Variants in GMDS observed in about 807,000 individuals in gnomAD.
GMDS encodes GDP-mannose 4,6 dehydratase.
Under a neutral mutation model 49.9 loss-of-function variants are expected in GMDS, and 20 were observed. The ratio of observed to expected loss-of-function variants is 0.40; its 90% CI spans 0.28 to 0.58. The LOEUF (loss-of-function observed/expected upper bound fraction) is 0.58, where lower values mean the gene tolerates loss of function less well. Among genes scored for constraint, GMDS ranks in the 20% least tolerant of loss-of-function variants. GMDS has a pLI of 0.42. For synonymous variants in GMDS, 177 were observed against 178.6 expected (o/e 0.99, Z 0.07); for missense variants, 362 against 481.4 (o/e 0.75, Z 2.32).
chr6:2,234,325 G>T (rs1581839003), intron 1 of GMDS, among the ~76,000 whole-genome samples: 2 of 152,228 alleles, frequency 1.3e-5, no homozygotes, highest in South Asian at 4.2e-4. Flanking sequence ...ATATTTCAAT[G>T]ATAACATCAA....
chr6:1,780,915 C>T (rs1350720594), intron 7 of GMDS, among the ~76,000 whole-genome samples: 1 of 152,116 alleles, frequency 6.6e-6, no homozygotes, highest in Non-Finnish European at 1.5e-5. Flanking sequence ...AAACTAGAAC[C>T]AGATTTCCCT....
chr6:1,863,705 G>A (rs528450289), intron 7 of GMDS, among the ~76,000 whole-genome samples: 4 of 152,072 alleles, frequency 2.6e-5, no homozygotes, highest in African/African-American at 4.8e-5. Flanking sequence ...AGATCACACC[G>A]GAACATCATA....
chr6:2,011,484 G>A (rs1215295117), intron 4 of GMDS, among the ~76,000 whole-genome samples: 1 of 152,118 alleles, frequency 6.6e-6, no homozygotes, highest in African/African-American at 2.4e-5. Flanking sequence ...ATATAAAAAA[G>A]ATACCTCCAA....
chr6:2,241,531 G>A (rs1781613196), intron 1 of GMDS, among the ~76,000 whole-genome samples: 1 of 152,132 alleles, frequency 6.6e-6, no homozygotes, highest in Admixed American at 6.5e-5. Context: ...GAACTAATAG[G>A]AGGTGTTTTG....
chr6:2,008,389 T>G (rs934844026), intron 4 of GMDS, among the ~76,000 whole-genome samples: 1 of 152,212 alleles, frequency 6.6e-6, no homozygotes, highest in Non-Finnish European at 1.5e-5. Flanking sequence ...TATGATGCGT[T>G]TTTCTTCACT....
intron 7 of GMDS, among the ~76,000 whole-genome samples, chr6:1,826,040 G>T (rs1329002550): frequency 6.6e-6 from 1 of 151,968 alleles, no homozygotes. Context: ...ATAGAAAATG[G>T]TACACATGTA....
At position 1,766,331 on chromosome 6, in the gene GMDS, C is replaced by T. The variant is rs781458278; in HGVS notation, c.772-23745G>A. On this transcript the variant is annotated intron_variant, in intron 7 of 10. Coordinates refer to ENST00000380815, the MANE Select transcript of GMDS (RefSeq NM_001500.4). This position sits in a 1 kb window ranked among gnomAD's most constrained non-coding sequence, Gnocchi z 4.5. ...GCAGATTCATTTGGGCTTCAGGAAA[C>T]GCGGTGCATGAGCTGTTTCAGGTGC... Among the ~76,000 whole-genome samples, 5 of 152,068 alleles carry T rather than the reference C, an allele frequency of 3.3e-5. No individual in the cohort carries two copies. Among genetic ancestry groups the T allele is most frequent in the East Asian group, 1.9e-4 (1 of 5,178 alleles).
At chr6:1,944,377 C>G (rs904616653) in intron 6 of GMDS, among the ~76,000 whole-genome samples, 2 of 152,094 alleles carry the variant, frequency 1.3e-5, no homozygotes, top group South Asian at 2.1e-4. Flanking sequence ...TGGTGGCGGG[C>G]GCCTGTAGTC....
intron 1 of GMDS, among the ~76,000 whole-genome samples, chr6:2,212,157 A>G (rs183942906): frequency 6.6e-6 from 1 of 152,364 alleles, no homozygotes; most frequent in African/African-American, 2.4e-5. Context: ...GTGATATGAT[A>G]AAGAAAAGTT....
chr6:1,822,784 C>T (rs1467978843), intron 7 of GMDS, among the ~76,000 whole-genome samples: 1 of 152,086 alleles, frequency 6.6e-6, no homozygotes, highest in African/African-American at 2.4e-5. Context: ...GTAAAAACTT[C>T]AGTGAAATGC....
intron 7 of GMDS, among the ~76,000 whole-genome samples, chr6:1,764,687 TATC>T (rs902174940): frequency 6.6e-6 from 1 of 152,216 alleles, no homozygotes; most frequent in African/African-American, 2.4e-5. Flanking sequence ...ATGGGGCTGT[TATC>T]ATACCAAACA....
chr6:1,997,335 C>T (rs1436297936), intron 4 of GMDS, among the ~76,000 whole-genome samples: 1 of 151,802 alleles, frequency 6.6e-6, no homozygotes, highest in East Asian at 1.9e-4. Context: ...TGGTGAAACA[C>T]CATCTCTACT....
At chr6:1,691,621 G>A (rs1033319646) in intron 9 of GMDS, among the ~76,000 whole-genome samples, 1 of 152,160 alleles carries the variant, frequency 6.6e-6, no homozygotes, top group African/African-American at 2.4e-5. Flanking sequence ...TTAACAGTGG[G>A]TCTACAAGGC....
At chr6:1,864,801 A>G (rs1758364403) in intron 7 of GMDS, among the ~76,000 whole-genome samples, 1 of 152,222 alleles carries the variant, frequency 6.6e-6, no homozygotes, top group Admixed American at 6.5e-5. Context: ...GCTGAGCAGC[A>G]AACACCCGAC....
intron 7 of GMDS, among the ~76,000 whole-genome samples, chr6:1,751,986 G>T (rs530971577): frequency 6.6e-6 from 1 of 152,150 alleles, no homozygotes; most frequent in Non-Finnish European, 1.5e-5. Context: ...TCCTCCAAAG[G>T]ATCACAACTC....
intron 9 of GMDS, among the ~76,000 whole-genome samples, chr6:1,655,964 C>G (rs1763866735): frequency 6.6e-6 from 1 of 152,154 alleles, no homozygotes. Context: ...GTCACGCACA[C>G]CCCACAGCCA....
intron 4 of GMDS, among the ~76,000 whole-genome samples, chr6:1,976,965 A>C (rs1764938728): frequency 6.6e-6 from 1 of 152,166 alleles, no homozygotes; most frequent in Non-Finnish European, 1.5e-5. Context: ...TTTCCTTGGG[A>C]TCTGCGGGCT....
chr6:1,764,075 T>A, intron 7 of GMDS, among the ~76,000 whole-genome samples: 1 of 151,698 alleles, frequency 6.6e-6, no homozygotes, highest in Non-Finnish European at 1.5e-5. Flanking sequence ...AGGCTGGGGG[T>A]TAAGAGTGAA....
At chr6:2,044,477 C>T (rs1187099555) in intron 4 of GMDS, among the ~76,000 whole-genome samples, 2 of 152,166 alleles carry the variant, frequency 1.3e-5, no homozygotes, top group Non-Finnish European at 2.9e-5. Flanking sequence ...AAACCAAATA[C>T]TGCATGTTCT....
Sources: allele counts gnomAD v4.1 joint callset (sites outside exome capture counted in the v4.1 genomes callset), GRCh38; gene constraint gnomAD v4.1.1; non-coding constraint Gnocchi (gnomAD v3.1); transcripts MANE v1.5; gene names NCBI Gene and HGNC (gene_info 2026-07-23, HGNC 2026-07-21).